RGS6: variants seen among roughly 807,000 people sequenced by gnomAD.
RGS6 encodes the protein regulator of G-protein signaling 6.
RGS6 carries 30 observed loss-of-function variants against 78.5 expected under a neutral mutation model. The observed-to-expected ratio is 0.38, with a 90% CI of 0.29 to 0.52. The LOEUF (loss-of-function observed/expected upper bound fraction) is 0.52, where lower values mean the gene tolerates loss of function less well. Ranked by LOEUF, RGS6 falls within the 20% of genes least tolerant of loss-of-function variation. RGS6 has a pLI of 0.85. For synonymous variants in RGS6, 206 were observed against 206.0 expected, an observed-to-expected ratio of 1.00 and a Z score of 0.00; for missense variants, 495 against 609.7, an observed-to-expected ratio of 0.81 and a Z score of 1.98.
chr14:72,554,367 C>T (rs1401890612), intron 17 of RGS6, among the ~76,000 whole-genome samples: 1 of 152,198 alleles, frequency 6.6e-6, no homozygotes, highest in Non-Finnish European at 1.5e-5. Flanking sequence ...TTTCTCTTGC[C>T]GCTTTGTCCA....
At chr14:72,117,108 C>T (rs1011068684) in intron 2 of RGS6, among the ~76,000 whole-genome samples, 3 of 152,040 alleles carry the variant, frequency 2.0e-5, no homozygotes, top group African/African-American at 7.3e-5. Flanking sequence ...GGACAAAATG[C>T]ATCAAGCAAA....
chr14:72,402,317 C>T (rs2092493476), intron 3 of RGS6, among the ~76,000 whole-genome samples: 2 of 152,144 alleles, frequency 1.3e-5, no homozygotes, highest in African/African-American at 4.8e-5. Flanking sequence ...GGTTGAGTGG[C>T]TATGGTAGTT....
chr14:71,993,874 C>A (rs2095078065), intron 2 of RGS6, among the ~76,000 whole-genome samples: 1 of 151,860 alleles, frequency 6.6e-6, no homozygotes, highest in Non-Finnish European at 1.5e-5. Context: ...CCAATATATT[C>A]TAATTTCTCT....
chr14:72,589,391 A>T, the RGS6 span, among the ~76,000 whole-genome samples: 1 of 152,176 alleles, frequency 6.6e-6, no homozygotes, highest in African/African-American at 2.4e-5. Flanking sequence ...CTCTACAAAA[A>T]ATACAAATAT....
intron 2 of RGS6, among the ~76,000 whole-genome samples, chr14:72,344,313 C>A (rs1299958650): frequency 6.6e-6 from 1 of 152,208 alleles, no homozygotes; most frequent in African/African-American, 2.4e-5. Flanking sequence ...TCCGTCTGCC[C>A]TGGTACTGTC....
At chr14:71,874,189 G>A in the RGS6 span, among the ~76,000 whole-genome samples, 2 of 152,014 alleles carry the variant, frequency 1.3e-5, no homozygotes, top group South Asian at 4.2e-4. Flanking sequence ...AAAGTCATTG[G>A]TAGCTTGATG....
chr14:72,292,633 T>C (rs1025449690), intron 2 of RGS6, among the ~76,000 whole-genome samples: 2 of 152,268 alleles, frequency 1.3e-5, no homozygotes, highest in Non-Finnish European at 2.9e-5. Flanking sequence ...AGGCCTGACC[T>C]GCTCTTGTTC....
At chr14:72,506,998 A>AT (rs2096812796) in intron 13 of RGS6, among the ~76,000 whole-genome samples, 1 of 119,730 alleles carries the variant, frequency 8.4e-6, no homozygotes, top group African/African-American at 5.0e-5. Context: ...AAAAAAAAAA[A>AT]AAAAAAAAAA....
chr14:71,887,849 G>A, the RGS6 span, among the ~76,000 whole-genome samples: 1 of 152,108 alleles, frequency 6.6e-6, no homozygotes, highest in African/African-American at 2.4e-5. Flanking sequence ...TCAGAAGCAT[G>A]TGATCTTTGT....
intron 2 of RGS6, among the ~76,000 whole-genome samples, chr14:72,141,906 C>A (rs114935872): frequency 1.4e-3 from 196 of 141,578 alleles, no homozygotes; most frequent in Non-Finnish European, 1.8e-3. Flanking sequence ...AAAAAAAAAA[C>A]AAAACCCAAA....
At chr14:71,994,943 G>A (rs1421578044) in intron 2 of RGS6, among the ~76,000 whole-genome samples, 4 of 152,164 alleles carry the variant, frequency 2.6e-5, no homozygotes, top group East Asian at 1.9e-4. Flanking sequence ...GGTTTTCACC[G>A]TCCTTACAGC....
intron 2 of RGS6, among the ~76,000 whole-genome samples, chr14:72,175,852 T>C (rs1047969574): frequency 2.0e-5 from 3 of 151,804 alleles, no homozygotes; most frequent in African/African-American, 7.3e-5. Flanking sequence ...GGGGAAGGGA[T>C]TGAGGAAACT....
intron 3 of RGS6, among the ~76,000 whole-genome samples, chr14:72,393,407 G>A (rs1335454939): frequency 1.3e-5 from 2 of 152,142 alleles, no homozygotes; most frequent in Non-Finnish European, 2.9e-5. Context: ...GTGCACCCAA[G>A]GCATCACCAG....
At chr14:71,882,923 G>A in the RGS6 span, among the ~76,000 whole-genome samples, 5 of 152,122 alleles carry the variant, frequency 3.3e-5, no homozygotes, top group Admixed American at 2.6e-4. Context: ...CTGGTTCTGG[G>A]TCAAACAGCC....
chr14:72,458,902 T>A (rs1224014937), intron 5 of RGS6, among the ~76,000 whole-genome samples: 1 of 152,176 alleles, frequency 6.6e-6, no homozygotes, highest in South Asian at 2.1e-4. Flanking sequence ...GATTTCAACA[T>A]GTGAATTTGA....
intron 2 of RGS6, among the ~76,000 whole-genome samples, chr14:71,981,356 C>A (rs984414883): frequency 2.0e-5 from 3 of 152,108 alleles, no homozygotes; most frequent in Non-Finnish European, 2.9e-5. Context: ...TAGAGTTTCC[C>A]GTTTTTCTAT....
the RGS6 span, among the ~76,000 whole-genome samples, chr14:72,610,176 C>G: frequency 2.0e-5 from 3 of 152,318 alleles, no homozygotes; most frequent in East Asian, 5.8e-4. Context: ...AGGTTTGCTT[C>G]GTATCTGCAG....
At chr14:72,393,244 C>T (rs566514855) in intron 3 of RGS6, among the ~76,000 whole-genome samples, 3 of 152,242 alleles carry the variant, frequency 2.0e-5, no homozygotes, top group African/African-American at 4.8e-5. Context: ...GAGCCAGCAG[C>T]GAAATATTCT....
intron 2 of RGS6, among the ~76,000 whole-genome samples, chr14:71,982,010 C>A (rs545428678): frequency 5.3e-5 from 8 of 152,102 alleles, no homozygotes; most frequent in African/African-American, 1.9e-4. Context: ...TTAAGCCCGT[C>A]GGAAAAGCGC....
Sources: gnomAD v4.1 joint callset for allele counts (sites outside exome capture counted in the v4.1 genomes callset) on GRCh38, gnomAD v4.1.1 for gene constraint, MANE v1.5 for transcripts, NCBI Gene and HGNC (gene_info 2026-07-23, HGNC 2026-07-21) for gene names.